SPAG17: variants seen among roughly 807,000 people sequenced by gnomAD.
SPAG17 encodes the protein sperm associated antigen 17.
In SPAG17, 169 loss-of-function variants were observed where a neutral mutation model predicts 273.6. The observed-to-expected ratio is 0.62, with a 90% CI of 0.55 to 0.70. The LOEUF is 0.70. Ranked by LOEUF, SPAG17 falls within the 30% of genes least tolerant of loss-of-function variation. The probability of loss-of-function intolerance (pLI) is 0.00; values close to 1 mark genes in which losing one functional copy is unlikely to be tolerated. For synonymous variants in SPAG17, 825 were observed against 873.2 expected, an observed-to-expected ratio of 0.94 and a Z score of 0.97; for missense variants, 2,557 against 2,627.8, an observed-to-expected ratio of 0.97 and a Z score of 0.59.
intron 1 of SPAG17, among the ~76,000 whole-genome samples, chr1:118,161,514 A>G (rs1017018467): frequency 6.6e-6 from 1 of 152,110 alleles, no homozygotes; most frequent in Non-Finnish European, 1.5e-5. Flanking sequence ...TCATGCAATT[A>G]TCATTTTTTT....
intron 1 of SPAG17, among the ~76,000 whole-genome samples, chr1:118,171,096 T>A (rs535162507): frequency 6.6e-6 from 1 of 152,254 alleles, no homozygotes; most frequent in East Asian, 1.9e-4. Context: ...TAGGCTATAA[T>A]GAAGGCATGA....
At position 117,984,746 on chromosome 1, in the gene SPAG17, A is replaced by C. The variant is rs763108248; in HGVS notation, c.5706T>G (p.Asp1902Glu). 1 of 1,611,382 alleles carries C rather than the reference A, an allele frequency of 6.2e-7. No homozygotes were observed. The highest frequency in any genetic ancestry group is 1.7e-5 in the Admixed American group (1 of 59,938). The change falls in exon 41 of 49, where the codon GAT (aspartate) becomes GAG (glutamate). Residue 1902 changes from aspartate to glutamate, a missense_variant. Physicochemically the swap from Asp to Glu is conservative, Grantham distance 45. Coordinates refer to ENST00000336338, the MANE Select transcript of SPAG17 (RefSeq NM_206996.4). ...EIETTQNYLM[D>E]IKNRIIPPFF... ...AGGGTGGTATTATGCGGTTCTTAAT[A>C]TCCATTAGGTAATTCTGTGTTGTCT...
intron 1 of SPAG17, among the ~76,000 whole-genome samples, chr1:118,184,143 G>A (rs879605271): frequency 3.9e-5 from 6 of 151,982 alleles, no homozygotes; most frequent in African/African-American, 7.3e-5. Context: ...GGCAACACAA[G>A]ACTTTAGATC....
chr1:118,042,989 A>T (rs1649947938), intron 20 of SPAG17, among the ~76,000 whole-genome samples: 1 of 152,240 alleles, frequency 6.6e-6, no homozygotes, highest in Non-Finnish European at 1.5e-5. Context: ...TCACAAATGA[A>T]AATCACAAAA....
chr1:118,166,895 A>G (rs1290833694), intron 1 of SPAG17, among the ~76,000 whole-genome samples: 1 of 152,220 alleles, frequency 6.6e-6, no homozygotes, highest in Non-Finnish European at 1.5e-5. Flanking sequence ...ATTTCAGTAG[A>G]CAAATGCTTT....
rs558977679 is a variant in SPAG17 at position 117,992,603 on chromosome 1, G to C, written c.5224C>G (p.Leu1742Val). The C allele has an allele frequency of 5.6e-6, 9 of 1,612,264 alleles. No homozygotes were observed. In the East Asian group the frequency reaches 2.0e-4, roughly 36 times the overall value. Residue 1742 changes from leucine to valine, a missense_variant, in exon 36 of 49, where the codon CTT becomes GTT. Transcript: ENST00000336338. ...PPFGTQIWKGLCIESKQLVSA... is the reference protein window; with the variant it reads ...PPFGTQIWKGVCIESKQLVSA... ...ACTAGCTGTTTGGACTCAATGCAAA[G>C]GCCTTTCCAAATCTGAGTACCAAAC...
In SPAG17 at chr1:118,036,782, C is replaced by T; in HGVS notation, c.3421G>A (p.Gly1141Arg). 6.4e-7 allele frequency: 1 copy of T among 1,553,012 alleles called. No individual in the cohort carries two copies. The highest frequency in any genetic ancestry group is 1.4e-5 in the African/African-American group (1 of 73,304). The change falls in exon 24 of 49, where the codon GGA (glycine) becomes AGA (arginine). Residue 1141 changes from glycine (G) to arginine (R), a missense_variant. Gly to Arg is a moderately radical substitution (Grantham distance 125). Coordinates refer to ENST00000336338, the MANE Select transcript of SPAG17 (RefSeq NM_206996.4). ...GTGTTCATTTCACCTGGTGCCATTC[C>T]ATTTGATCCATAGTAACTTATCGAG... ...CLSISYYGSNGMAPEDKDPDL... is the reference protein window; with the variant it reads ...CLSISYYGSNRMAPEDKDPDL...
chr1:118,047,953 C>T (rs1650555419), intron 20 of SPAG17, among the ~76,000 whole-genome samples: 1 of 152,208 alleles, frequency 6.6e-6, no homozygotes, highest in Non-Finnish European at 1.5e-5. Context: ...GTTCCAGGCC[C>T]ATCCCAATAG....
chr1:118,162,053 C>CTT (rs1358042922), intron 1 of SPAG17, among the ~76,000 whole-genome samples: 1 of 152,156 alleles, frequency 6.6e-6, no homozygotes, highest in Admixed American at 6.5e-5. Flanking sequence ...ATATCTCCTT[C>CTT]ATAATATAAA....
chr1:117,973,158 C>T (rs997617029), intron 44 of SPAG17, among the ~76,000 whole-genome samples: 3 of 152,150 alleles, frequency 2.0e-5, no homozygotes, highest in Non-Finnish European at 4.4e-5. Context: ...TGATAACTGG[C>T]TCATAAAATT....
At position 117,953,961 on chromosome 1, in the gene SPAG17, G is replaced by A. The variant is rs752914835; in HGVS notation, c.*89C>T. On this transcript the variant is annotated 3_prime_UTR_variant, in exon 49 of 49. Coordinates refer to ENST00000336338, the MANE Select transcript of SPAG17 (RefSeq NM_206996.4). The stretch of plus-strand genomic sequence containing the variant: ...TCTTCCAGTTTCAGTGTCCTGGGAT[G>A]ATGGAGTATGTTGTGATGACTTCTT... 2 of 1,506,932 alleles carry A rather than the reference G, an allele frequency of 1.3e-6. No individual in the cohort carries two copies. The highest frequency in any genetic ancestry group is 2.3e-5 in the East Asian group (1 of 44,126). The allele number at this position is 1,506,932 out of a possible 1,614,324, so 93.3% of individuals were successfully genotyped here. A position where few individuals can be genotyped will look rare whatever the true frequency, so the allele number is the denominator to read the frequency against.
chr1:117,967,372 G>A (rs1455605104), intron 46 of SPAG17, among the ~76,000 whole-genome samples: 1 of 151,842 alleles, frequency 6.6e-6, no homozygotes. Flanking sequence ...GTTCCTTGCA[G>A]GGGTGTCCAA....
chr1:118,165,037 T>C (rs1348519197), intron 1 of SPAG17, among the ~76,000 whole-genome samples: 1 of 152,222 alleles, frequency 6.6e-6, no homozygotes, highest in Non-Finnish European at 1.5e-5. Context: ...CTGTGACTAT[T>C]TCCCTAAGTG....
chr1:118,059,935 A>C (rs571231445), intron 18 of SPAG17, among the ~76,000 whole-genome samples: 154 of 152,286 alleles, frequency 1.0e-3, no homozygotes, highest in African/African-American at 3.5e-3. Flanking sequence ...AGTAATTATT[A>C]ATAAACTATT....
rs1454255326 is a variant in SPAG17, at chr1:118,081,095, A to T, written c.2209+6T>A. 1 of 1,599,196 alleles carries T rather than the reference A, an allele frequency of 6.3e-7. No individual in the cohort carries two copies. Among genetic ancestry groups the T allele is most frequent in the South Asian group, 1.1e-5 (1 of 90,692 alleles). On this transcript the variant is annotated splice_donor_region_variant and intron_variant, in intron 15 of 48. Transcript: ENST00000336338. The stretch of plus-strand genomic sequence containing the variant: ...CACACACACACACACACACACTTTA[A>T]CTTACCCAGAGACTCATGTTGGGGC...
intron 15 of SPAG17, among the ~76,000 whole-genome samples, chr1:118,080,023 A>G (rs1371006173): frequency 6.6e-6 from 1 of 152,194 alleles, no homozygotes; most frequent in African/African-American, 2.4e-5. Flanking sequence ...ACATAATTAT[A>G]AAATTGAAAG....
chr1:117,996,651 G>A lies in SPAG17; in HGVS notation c.4869C>T (p.Ser1623=). Residue 1623 remains serine, a synonymous_variant, in exon 33 of 49, where the codon TCC becomes TCT. Transcript: ENST00000336338. ...NEKTEGYDSL[S]SMHLEKNHQQ... ...GATGATTCTTTTCAAGGTGCATAGA[G>A]GACAGACTATCATAGCCCTCAGTTT... 1 of 1,612,942 alleles carries A rather than the reference G, an allele frequency of 6.2e-7. No homozygotes were observed. Among genetic ancestry groups the A allele is most frequent in the Non-Finnish European group, 8.5e-7 (1 of 1,179,418 alleles).
At chr1:118,056,174 A>G (rs1651652949) in intron 18 of SPAG17, among the ~76,000 whole-genome samples, 1 of 152,154 alleles carries the variant, frequency 6.6e-6, no homozygotes, top group Admixed American at 6.5e-5. Flanking sequence ...TTTAAGAAAT[A>G]AAAAAAGAAA....
At chr1:118,095,810 T>C (rs1655670956) in intron 7 of SPAG17, among the ~76,000 whole-genome samples, 1 of 152,154 alleles carries the variant, frequency 6.6e-6, no homozygotes, top group Admixed American at 6.6e-5. Flanking sequence ...GGAAACATAC[T>C]GACCCAAGGC....
Sources: gnomAD v4.1 joint callset for allele counts (sites outside exome capture counted in the v4.1 genomes callset) on GRCh38, gnomAD v4.1.1 for gene constraint, MANE v1.5 for transcripts, NCBI Gene and HGNC (gene_info 2026-07-23, HGNC 2026-07-21) for gene names.